Variants in DOCK2 observed in about 807,000 individuals in gnomAD.
DOCK2 encodes dedicator of cytokinesis protein 2.
A neutral mutation model predicts 248.9 loss-of-function variants in DOCK2; 87 were observed. The observed-to-expected ratio is 0.35, with a 90% CI of 0.29 to 0.42. DOCK2 has a LOEUF of 0.42. Among genes scored for constraint, DOCK2 ranks in the 10% least tolerant of loss-of-function variants. The pLI is 1.00. For missense variants in DOCK2, 1,747 were observed against 2,300.2 expected, an observed-to-expected ratio of 0.76 and a Z score of 4.92; for synonymous variants, 805 against 821.6, an observed-to-expected ratio of 0.98 and a Z score of 0.35.
chr5:169,828,823 G>A (rs762706246), intron 26 of DOCK2, among the ~76,000 whole-genome samples: 12 of 152,080 alleles, frequency 7.9e-5, no homozygotes, highest in South Asian at 2.1e-4. Context: ...ACTTAAATCC[G>A]CTTAATAAAA....
intron 8 of DOCK2, 39 bp downstream of exon 8, chr5:169,684,389 G>C (rs1288157613): frequency 6.2e-7 from 1 of 1,608,336 alleles, no homozygotes; most frequent in Admixed American, 1.7e-5. Flanking sequence ...TCTGACTATG[G>C]GAAGCAGTGC....
At chr5:170,034,142 G>A (rs1032258216) in intron 34 of DOCK2, among the ~76,000 whole-genome samples, 1 of 152,162 alleles carries the variant, frequency 6.6e-6, no homozygotes, top group African/African-American at 2.4e-5. Context: ...CTCAGCAGGG[G>A]TGGGTAAAAG....
At position 169,698,449 on chromosome 5, in the gene DOCK2, C is replaced by G; in HGVS notation, c.1055C>G (p.Pro352Arg). ...AAGCAGCACTTCATTCCTTTTCACC[C>G]GTAAGACATTTCCCATTTCTTTCCA... ...EEKQHFIPFH[P>R]VTAENDFLHS... The change falls in exon 11 of 52, where the codon CCG becomes CGG. Residue 352 changes from proline (P) to arginine (R), a missense_variant and splice_region_variant. Coordinates refer to ENST00000520908, the MANE Select transcript of DOCK2 (RefSeq NM_004946.3). 6.2e-7 allele frequency: 1 copy of G among 1,613,922 alleles called. No individual in the cohort carries two copies. Among genetic ancestry groups the G allele is most frequent in the Non-Finnish European group, 8.5e-7 (1 of 1,179,836 alleles).
intron 19 of DOCK2, 96 bp downstream of exon 19, chr5:169,714,553 G>T (rs978832079): frequency 1.8e-5 from 24 of 1,350,230 alleles, no homozygotes; most frequent in Middle Eastern, 1.9e-4. Flanking sequence ...GAAGGACATG[G>T]GGAAACTTTT....
At chr5:169,929,347 A>G (rs1391944362) in intron 27 of DOCK2, among the ~76,000 whole-genome samples, 3 of 152,168 alleles carry the variant, frequency 2.0e-5, no homozygotes, top group Non-Finnish European at 4.4e-5. Context: ...CAAATCCCAT[A>G]GCTTTTTACA....
intron 32 of DOCK2, among the ~76,000 whole-genome samples, chr5:170,013,531 G>A (rs373032331): frequency 1.3e-5 from 2 of 151,990 alleles, no homozygotes; most frequent in Non-Finnish European, 2.9e-5. Context: ...TGTGTTGCTG[G>A]CTTTGAAGAT....
rs564601223 is a variant in DOCK2 at position 170,042,706 on chromosome 5, C to G, written c.3876+574C>G. ...CTCAGATGTCACATGCTAGGGAGGCCTTCCCTGACCACCACTAGGCAAACC... is the reference window on the plus strand; with the variant it reads ...CTCAGATGTCACATGCTAGGGAGGCGTTCCCTGACCACCACTAGGCAAACC... On this transcript the variant is annotated intron_variant, in intron 38 of 51. Transcript: ENST00000520908. Among the ~76,000 whole-genome samples the G allele has an allele frequency of 1.8e-4, 28 of 152,340 alleles. No individual in the cohort carries two copies. In the East Asian group the frequency reaches 5.0e-3, roughly 27 times the overall value.
At position 170,077,852 on chromosome 5, in the gene DOCK2, C is replaced by T. The variant is rs1300449311; in HGVS notation, c.4994+15C>T. 5.6e-6 allele frequency: 9 copies of T among 1,610,516 alleles called. No individual in the cohort carries two copies. In the East Asian group the frequency reaches 1.8e-4, roughly 32 times the overall value. ...ACCTCAGAGAGGTCAGTCCCTGCAC[C>T]CCAAGGAGCCCCCCACACCCCTGCC... On this transcript the variant is annotated intron_variant, in intron 48 of 51. Transcript: ENST00000520908.
chr5:169,855,860 C>T (rs1364204510), intron 27 of DOCK2, among the ~76,000 whole-genome samples: 1 of 152,170 alleles, frequency 6.6e-6, no homozygotes, highest in Non-Finnish European at 1.5e-5. Flanking sequence ...TAAAGACATA[C>T]CTGAGACTGG....
At chr5:169,667,766 G>T (rs1322410287) in intron 2 of DOCK2, among the ~76,000 whole-genome samples, 1 of 152,202 alleles carries the variant, frequency 6.6e-6, no homozygotes. Context: ...AACAAAAAAT[G>T]TCAACAGAGT....
intron 50 of DOCK2, chr5:170,081,614 C>A: frequency 1.8e-6 from 1 of 549,024 alleles, no homozygotes; most frequent in Non-Finnish European, 3.2e-6. Context: ...GACCAGGAGC[C>A]AGGAGGCTGA....
chr5:169,957,415 GT>G (rs1356213504), intron 27 of DOCK2, among the ~76,000 whole-genome samples: 1 of 152,180 alleles, frequency 6.6e-6, no homozygotes, highest in Non-Finnish European at 1.5e-5. Context: ...CTCAACCAAT[GT>G]TAGCTTAGTA....
chr5:170,015,357 A>G (rs374405980), intron 32 of DOCK2, among the ~76,000 whole-genome samples: 1 of 152,174 alleles, frequency 6.6e-6, no homozygotes, highest in East Asian at 1.9e-4. Context: ...AGGGAGTGGC[A>G]GTGGCAGGAC....
intron 29 of DOCK2, among the ~76,000 whole-genome samples, chr5:169,994,189 C>A (rs138139145): frequency 4.6e-4 from 70 of 152,198 alleles, no homozygotes; most frequent in Middle Eastern, 3.4e-3. Context: ...AGCTGGAGTG[C>A]AAGCTGGTGT....
chr5:170,062,044 C>T lies in DOCK2; in HGVS notation c.4467+4378C>T, dbSNP rs561160569. Among the ~76,000 whole-genome samples the T allele has an allele frequency of 4.1e-4, 62 of 151,272 alleles. No homozygotes were observed. In the South Asian group the frequency reaches 0.012, roughly 30 times the overall value. On this transcript the variant is annotated intron_variant, in intron 44 of 51. Coordinates refer to ENST00000520908, the MANE Select transcript of DOCK2 (RefSeq NM_004946.3). ...GCAGTTGTAGGGTGTGTGGGTGTGC[C>T]CAGGGTGTGCATGTGTGGATGCATG... is the stretch of plus-strand genomic sequence containing the variant.
chr5:170,077,860 G>GC lies in DOCK2; in HGVS notation c.4994+29dup, dbSNP rs534050701. The stretch of plus-strand genomic sequence containing the variant: ...GAGGTCAGTCCCTGCACCCCAAGGA[G>GC]CCCCCCACACCCCTGCCTCCCTGGC... On this transcript the variant is annotated intron_variant, in intron 48 of 51. Coordinates refer to ENST00000520908, the MANE Select transcript of DOCK2 (RefSeq NM_004946.3). The GC allele has an allele frequency of 2.4e-4, 388 of 1,607,666 alleles. 1 individual carries two copies. In the East Asian group the frequency reaches 6.8e-3, roughly 28 times the overall value.
chr5:169,797,299 T>C (rs773620869), intron 25 of DOCK2, among the ~76,000 whole-genome samples: 1 of 152,254 alleles, frequency 6.6e-6, no homozygotes, highest in Non-Finnish European at 1.5e-5. Flanking sequence ...GATGTGATTT[T>C]GGCTGGATGC....
chr5:169,894,570 A>G (rs1400868372), intron 27 of DOCK2, among the ~76,000 whole-genome samples: 1 of 152,076 alleles, frequency 6.6e-6, no homozygotes, highest in Non-Finnish European at 1.5e-5. Flanking sequence ...AGAAGGGGGG[A>G]AGTTTATGGT....
chr5:170,015,567 T>TG (rs1554126073), intron 32 of DOCK2, among the ~76,000 whole-genome samples: 2 of 150,958 alleles, frequency 1.3e-5, no homozygotes, highest in African/African-American at 4.9e-5. Context: ...TTTAGGTTTT[T>TG]TTTGTTTGTT....
Sources: allele counts gnomAD v4.1 joint callset (sites outside exome capture counted in the v4.1 genomes callset), GRCh38; gene constraint gnomAD v4.1.1; transcripts MANE v1.5; gene names NCBI Gene and HGNC (gene_info 2026-07-23, HGNC 2026-07-21).